The following MAP3K7CL variants were observed in gnomAD, a reference collection of about 807,000 sequenced individuals.
The protein encoded by MAP3K7CL is MAP3K7 C-terminal-like protein.
MAP3K7CL carries 16 observed loss-of-function variants against 18.6 expected under a neutral mutation model. The observed-to-expected ratio is 0.86, with a 90% CI of 0.58 to 1.31. The LOEUF (loss-of-function observed/expected upper bound fraction) is 1.31, where lower values mean the gene tolerates loss of function less well. MAP3K7CL is among the 50% of genes most tolerant of loss of function. The pLI is 0.00. For synonymous variants in MAP3K7CL, 65 were observed against 66.8 expected, an observed-to-expected ratio of 0.97 and a Z score of 0.13; for missense variants, 163 against 174.4, an observed-to-expected ratio of 0.93 and a Z score of 0.37.
chr21:29,109,921 C>G, intron 4 of MAP3K7CL: 1 of 392,940 alleles, frequency 2.5e-6, no homozygotes, highest in Non-Finnish European at 3.5e-6. Flanking sequence ...AGACATTAAT[C>G]TAGCAATGTG....
At chr21:29,159,035 T>C (rs2776251) in intron 3 of MAP3K7CL, among the ~76,000 whole-genome samples, 135,494 of 151,534 alleles carry the variant, frequency 0.89, 60,931 homozygotes, top group African/African-American at 0.97. Context: ...ATTCTCCTGC[T>C]TCAGTCTCCT....
At chr21:29,126,469 G>C (rs1299958664), upstream of MAP3K7CL, among the ~76,000 whole-genome samples, 1 of 151,980 alleles carries the variant, frequency 6.6e-6, no homozygotes, top group Non-Finnish European at 1.5e-5. Context: ...TTGTTTGTTT[G>C]TTTTTTGAGA....
intron 3 of MAP3K7CL, among the ~76,000 whole-genome samples, chr21:29,159,192 A>C (rs2087480770): frequency 6.6e-6 from 1 of 152,148 alleles, no homozygotes; most frequent in Admixed American, 6.5e-5. Flanking sequence ...ACTTTTAATC[A>C]CGCATTGCTA....
In MAP3K7CL at chr21:29,087,282, C is replaced by T. The variant is rs528654793; in HGVS notation, c.57+1365C>T. ...TCCTCAATATTCCTTTTACATCACC[C>T]TATTTTATTTTTATCCTAAAAGCTA... On this transcript the variant is annotated intron_variant, in intron 1 of 6. Coordinates refer to the MAP3K7CL transcript ENST00000286791. Among the ~76,000 whole-genome samples, 5 of 152,286 alleles carry T rather than the reference C, an allele frequency of 3.3e-5. No homozygotes were observed. In the East Asian group the frequency reaches 9.6e-4, roughly 29 times the overall value.
intron 4 of MAP3K7CL, among the ~76,000 whole-genome samples, chr21:29,122,990 A>G (rs1343950279): frequency 6.6e-6 from 1 of 150,968 alleles, no homozygotes. Context: ...GATTATATAT[A>G]GTTTTATGCT....
At chr21:29,122,948 G>T (rs2086620133) in intron 4 of MAP3K7CL, among the ~76,000 whole-genome samples, 1 of 150,024 alleles carries the variant, frequency 6.7e-6, no homozygotes, top group Non-Finnish European at 1.5e-5. Flanking sequence ...TAAGAACTTT[G>T]TACATTTGAT....
intron 3 of MAP3K7CL, among the ~76,000 whole-genome samples, chr21:29,151,318 G>T (rs553173621): frequency 7.1e-4 from 108 of 151,890 alleles, no homozygotes; most frequent in Non-Finnish European, 1.4e-3. Context: ...TTAGCCAGGT[G>T]TGGTGGCACA....
At chr21:29,082,424 G>C (rs887777456), upstream of MAP3K7CL, among the ~76,000 whole-genome samples, 1 of 152,112 alleles carries the variant, frequency 6.6e-6, no homozygotes, top group South Asian at 2.1e-4. Context: ...TACTGTATTA[G>C]GCAGGGATTG....
intron 1 of MAP3K7CL, among the ~76,000 whole-genome samples, chr21:29,089,209 G>A (rs1322757409): frequency 1.6e-5 from 2 of 127,678 alleles, no homozygotes; most frequent in Non-Finnish European, 3.3e-5. Flanking sequence ...AAAGACACTG[G>A]TCCTGGGGTT....
At chr21:29,091,460 C>A in intron 1 of MAP3K7CL, 1 of 649,078 alleles carries the variant, frequency 1.5e-6, no homozygotes, top group Non-Finnish European at 2.7e-6. Flanking sequence ...CCTGAGTGTA[C>A]ATTTTCTTTT....
chr21:29,174,835 T>C lies in MAP3K7CL; in HGVS notation c.372T>C (p.Cys124=), dbSNP rs983049574. Residue 124 remains cysteine (C), a synonymous_variant, in exon 5 of 5, where the codon TGT becomes TGC. Coordinates refer to ENST00000399928, the MANE Select transcript of MAP3K7CL (RefSeq NM_001286620.2). ...NRTLRLAQSQ[C]VEQLEKLRIQ... Reference sequence around the variant, plus strand: ...CGTTGAGGTTGGCCCAGTCTCAATGTGTGGAACAACTGGAGAAACTTCGAA... The same window carrying C: ...CGTTGAGGTTGGCCCAGTCTCAATGCGTGGAACAACTGGAGAAACTTCGAA... The C allele has an allele frequency of 2.9e-5, 46 of 1,614,024 alleles. No homozygotes were observed. The highest frequency in any genetic ancestry group is 3.8e-5 in the Non-Finnish European group (45 of 1,180,020).
chr21:29,104,996 G>A (rs1442654891), intron 4 of MAP3K7CL, among the ~76,000 whole-genome samples: 1 of 152,182 alleles, frequency 6.6e-6, no homozygotes, highest in Non-Finnish European at 1.5e-5. Context: ...TAGGGAACTG[G>A]AGATAAGCCA....
intron 1 of MAP3K7CL, among the ~76,000 whole-genome samples, chr21:29,089,216 GGTT>G (rs1438177768): frequency 7.1e-6 from 1 of 141,526 alleles, no homozygotes; most frequent in Non-Finnish European, 1.5e-5. Flanking sequence ...CTGGTCCTGG[GGTT>G]GTCTGGCATG....
chr21:29,174,236 G>T (rs1376168993), intron 4 of MAP3K7CL, among the ~76,000 whole-genome samples: 1 of 152,132 alleles, frequency 6.6e-6, no homozygotes, highest in Non-Finnish European at 1.5e-5. Flanking sequence ...ACAGAGTTGG[G>T]ATTCTGTAGT....
intron 4 of MAP3K7CL, among the ~76,000 whole-genome samples, chr21:29,116,850 C>A (rs1311855467): frequency 1.3e-5 from 2 of 152,020 alleles, no homozygotes; most frequent in East Asian, 3.8e-4. Flanking sequence ...CTTTTTAAAG[C>A]AATATACTTT....
chr21:29,130,061 A>G (rs2086749951), upstream of MAP3K7CL, among the ~76,000 whole-genome samples: 2 of 152,168 alleles, frequency 1.3e-5, no homozygotes, highest in Admixed American at 1.3e-4. Flanking sequence ...CCAGTCCATC[A>G]TCTGATATGT....
At chr21:29,147,553 A>T (rs893573170) in intron 2 of MAP3K7CL, among the ~76,000 whole-genome samples, 1 of 151,666 alleles carries the variant, frequency 6.6e-6, no homozygotes, top group Non-Finnish European at 1.5e-5. Context: ...TGTGTACTGT[A>T]TCTGTATTGT....
At chr21:29,087,885 G>A (rs138804821) in intron 1 of MAP3K7CL, among the ~76,000 whole-genome samples, 35 of 152,090 alleles carry the variant, frequency 2.3e-4, no homozygotes, top group African/African-American at 7.5e-4. Context: ...GAGCCACCGC[G>A]CCCGGTCGTG....
intron 4 of MAP3K7CL, among the ~76,000 whole-genome samples, chr21:29,114,459 C>T (rs754828607): frequency 3.0e-4 from 45 of 152,264 alleles, no homozygotes; most frequent in Admixed American, 7.8e-4. Context: ...GGTGCAATCA[C>T]GGCTCACTGC....
Sources: allele counts gnomAD v4.1 joint callset (sites outside exome capture counted in the v4.1 genomes callset), GRCh38; gene constraint gnomAD v4.1.1; transcripts MANE v1.5; gene names NCBI Gene and HGNC (gene_info 2026-07-23, HGNC 2026-07-21).